MBD1: variants seen among roughly 807,000 people sequenced by gnomAD.
MBD1 encodes the protein methyl-CpG binding domain protein 1.
MBD1 carries 25 observed loss-of-function variants against 82.6 expected under a neutral mutation model. The ratio of observed to expected loss-of-function variants is 0.30; its 90% CI spans 0.22 to 0.42. MBD1 has a LOEUF of 0.42. MBD1 is among the 10% of genes least tolerant of loss of function. The pLI is 1.00. For missense variants in MBD1, 627 were observed against 819.6 expected, an observed-to-expected ratio of 0.76 and a Z score of 2.87; for synonymous variants, 301 against 303.7, an observed-to-expected ratio of 0.99 and a Z score of 0.09.
At chr18:50,281,260 C>G (rs962784702) in intron 1 of MBD1, 103 bp downstream of exon 1, 1 of 1,519,532 alleles carries the variant, frequency 6.6e-7, no homozygotes, top group South Asian at 1.2e-5. Flanking sequence ...TCCCCCTTAT[C>G]GGCCTGAGGG....
chr18:50,269,660 C>T lies in MBD1; in HGVS notation c.*191G>A, dbSNP rs1472311118. 1 of 759,384 alleles carries T rather than the reference C, an allele frequency of 1.3e-6. No homozygotes were observed. Among genetic ancestry groups the T allele is most frequent in the South Asian group, 1.4e-5 (1 of 72,078 alleles). 47.0% of individuals were successfully genotyped at this position (759,384 alleles called of 1,614,324 possible). On this transcript the variant is annotated 3_prime_UTR_variant, in exon 17 of 17. Transcript: ENST00000269468. ...CTGTGAGGAAGGGCACCAGCTTCTT[C>T]TGCAGGACACCCACATCATCGAAGC...
chr18:50,273,507 G>A (rs765229486), intron 12 of MBD1, 36 bp from the exon 13 acceptor site: 1 of 1,613,722 alleles, frequency 6.2e-7, no homozygotes, highest in African/African-American at 1.3e-5. Context: ...CTTGGTCTCA[G>A]CTCCCTGGCA....
intron 6 of MBD1, 111 bp from the exon 7 acceptor site, chr18:50,276,092 A>C: frequency 7.4e-7 from 1 of 1,346,194 alleles, no homozygotes; most frequent in Non-Finnish European, 1.0e-6. Flanking sequence ...GTCCCCCATT[A>C]GCCTCATCAC....
Position 50,269,820 on chromosome 18 carries a change from T to G in MBD1, c.*33-2A>C. 1 of 801,868 alleles carries G rather than the reference T, an allele frequency of 1.2e-6. No individual in the cohort carries two copies. 49.7% of individuals were successfully genotyped at this position (801,868 alleles called of 1,614,324 possible). On this transcript the variant is annotated splice_acceptor_variant, in intron 16 of 16. Transcript: ENST00000269468. LOFTEE classifies it low-confidence loss of function (3UTR_SPLICE). Reference sequence around the variant, plus strand: ...CTTCCCGAGTGCCTGCCCTGCAGACTTCAAGCTCCAGCATTAGATGCAAAG... The same window carrying G: ...CTTCCCGAGTGCCTGCCCTGCAGACGTCAAGCTCCAGCATTAGATGCAAAG...
intron 1 of MBD1, among the ~76,000 whole-genome samples, chr18:50,280,878 C>T (rs1164037174): frequency 6.6e-6 from 1 of 152,062 alleles, no homozygotes; most frequent in Non-Finnish European, 1.5e-5. Context: ...CATTCCGAAC[C>T]CTCCTCCATT....
At chr18:50,268,826 A>G (rs995633904), downstream of MBD1, 5 of 821,780 alleles carry the variant, frequency 6.1e-6, no homozygotes, top group Non-Finnish European at 7.3e-6. Context: ...CACTCCCAAA[A>G]GAAACACTAA....
At position 50,275,259 on chromosome 18, in the gene MBD1, GAA is replaced by G; in HGVS notation, c.793-16_793-15del. The G allele has an allele frequency of 1.2e-6, 2 of 1,613,716 alleles. No homozygotes were observed. The highest frequency in any genetic ancestry group is 1.7e-6 in the Non-Finnish European group (2 of 1,179,650). ...GGCATGTTTACCCTGGGAAAGATCA[GAA>G]AGGGTGGTTTCAGCTTGGTGGCACC... On this transcript the variant is annotated splice_polypyrimidine_tract_variant and intron_variant, in intron 8 of 16. Coordinates refer to ENST00000269468, the MANE Select transcript of MBD1 (RefSeq NM_015846.4).
chr18:50,277,574 A>AG (rs398032796), intron 2 of MBD1, among the ~76,000 whole-genome samples: 10 of 2,690 alleles, frequency 3.7e-3, no homozygotes, highest in Non-Finnish European at 0.016. Flanking sequence ...CCAAGTATAT[A>AG]TCAAGTAAAG....
At chr18:50,277,510 T>C (rs1234011307) in intron 2 of MBD1, among the ~76,000 whole-genome samples, 1 of 151,914 alleles carries the variant, frequency 6.6e-6, no homozygotes, top group Non-Finnish European at 1.5e-5. Context: ...ATATATTATA[T>C]TTGTGTTATA....
rs2037679511 is a variant in MBD1, at chr18:50,275,943, T to C, written c.555A>G (p.Thr185=). 1 of 1,613,698 alleles carries C rather than the reference T, an allele frequency of 6.2e-7. No homozygotes were observed. The highest frequency in any genetic ancestry group is 1.7e-5 in the Admixed American group (1 of 60,010). Residue 185 remains threonine (T), a synonymous_variant, in exon 7 of 17, where the codon ACA becomes ACG. Coordinates refer to ENST00000269468, the MANE Select transcript of MBD1 (RefSeq NM_015846.4). The stretch of plus-strand genomic sequence containing the variant: ...AGGTGGAGCAGGCCCCACAGTCTTC[T>C]GTTACCTGGCAGGCTGCACACTCCC... ...GCGECAACQV[T]EDCGACSTCL... is the part of the protein sequence containing the mutation.
At chr18:50,269,858 CAG>C (rs1234571802) in intron 16 of MBD1, 40 bp from the exon 17 acceptor site, 3 of 863,390 alleles carry the variant, frequency 3.5e-6, no homozygotes, top group Non-Finnish European at 6.1e-6. Flanking sequence ...AACAGCCTTA[CAG>C]AGACTGTTTA....
At chr18:50,278,811 T>C (rs2039092614) in intron 2 of MBD1, among the ~76,000 whole-genome samples, 1 of 152,238 alleles carries the variant, frequency 6.6e-6, no homozygotes, top group South Asian at 2.1e-4. Flanking sequence ...ACTTTTGTTT[T>C]GTGTGTGTTT....
chr18:50,278,778 G>A (rs2039079835), intron 2 of MBD1, among the ~76,000 whole-genome samples: 1 of 152,158 alleles, frequency 6.6e-6, no homozygotes, highest in Non-Finnish European at 1.5e-5. Context: ...GAAATACAGG[G>A]TTAGGTTCCT....
At chr18:50,267,483 T>C, downstream of MBD1, 2 of 723,264 alleles carry the variant, frequency 2.8e-6, no homozygotes, top group South Asian at 3.2e-5. Flanking sequence ...TGGTGGAGCA[T>C]AATTAAGAGT....
intron 2 of MBD1, among the ~76,000 whole-genome samples, chr18:50,279,476 A>G (rs1007126271): frequency 3.9e-5 from 6 of 152,200 alleles, no homozygotes; most frequent in Non-Finnish European, 8.8e-5. Flanking sequence ...CAGAACACTA[A>G]ACAGCACCTC....
At chr18:50,271,936 T>C (rs1333681915) in intron 15 of MBD1, among the ~76,000 whole-genome samples, 1 of 152,180 alleles carries the variant, frequency 6.6e-6, no homozygotes, top group Non-Finnish European at 1.5e-5. Context: ...TGGGGCTCTA[T>C]GCAGGGTCTG....
At chr18:50,270,992 A>G in intron 16 of MBD1, 1 of 977,820 alleles carries the variant, frequency 1.0e-6, no homozygotes, top group Non-Finnish European at 1.2e-6. Flanking sequence ...CTTCCCAAAA[A>G]TATTATTTTA....
Position 50,273,436 on chromosome 18 carries a change from G to A in MBD1, c.1482C>T (p.Ala494=), listed in dbSNP as rs1293771451. The A allele has an allele frequency of 1.2e-6, 2 of 1,614,100 alleles. No homozygotes were observed. The highest frequency in any genetic ancestry group is 1.7e-6 in the Non-Finnish European group (2 of 1,180,048). The part of the protein sequence containing the change: ...AQCSGLSWVV[A]LPQVKQEKAD... ...CCTTCTCTTGCTTCACCTGGGGTAA[G>A]GCCACAACCCAACTCAGGCCAGAGC... is the stretch of plus-strand genomic sequence containing the variant. The change falls in exon 13 of 17, where the codon GCC becomes GCT. Residue 494 remains alanine, a synonymous_variant. Transcript: ENST00000269468.
downstream of MBD1, chr18:50,267,575 C>G (rs1436180405): frequency 6.6e-7 from 1 of 1,511,736 alleles, no homozygotes; most frequent in Non-Finnish European, 8.9e-7. Context: ...CCAGGCAGAA[C>G]AGGAAACACA....
Sources: gnomAD v4.1 joint callset for allele counts (sites outside exome capture counted in the v4.1 genomes callset) on GRCh38, gnomAD v4.1.1 for gene constraint, MANE v1.5 for transcripts, NCBI Gene and HGNC (gene_info 2026-07-23, HGNC 2026-07-21) for gene names.